Variants in SKIC3 observed in about 807,000 individuals in gnomAD.
SKIC3 encodes the protein superkiller complex protein 3.
At chr5:95,503,203 A>G in the SKIC3 span, among the ~76,000 whole-genome samples, 1 of 152,200 alleles carries the variant, frequency 6.6e-6, no homozygotes, top group African/African-American at 2.4e-5. Flanking sequence ...CTGAAGTATC[A>G]TTAGGATTAT....
At chr5:95,516,062 T>C in the SKIC3 span, among the ~76,000 whole-genome samples, 3 of 152,140 alleles carry the variant, frequency 2.0e-5, no homozygotes, top group Non-Finnish European at 4.4e-5. Flanking sequence ...TGTGTACAGA[T>C]TTAAAAAAAT....
chr5:95,552,143 C>T, the SKIC3 span, among the ~76,000 whole-genome samples: 2 of 152,140 alleles, frequency 1.3e-5, no homozygotes, highest in South Asian at 2.1e-4. Context: ...TTTTGACGTA[C>T]AATATTTTCA....
the SKIC3 span, chr5:95,516,731 C>A: frequency 6.2e-7 from 1 of 1,613,188 alleles, no homozygotes; most frequent in South Asian, 1.1e-5. Context: ...ACTGTCGAGT[C>A]TCACTGCTTT....
At chr5:95,502,838 A>G in the SKIC3 span, 1 of 1,608,148 alleles carries the variant, frequency 6.2e-7, no homozygotes, top group South Asian at 1.1e-5. Context: ...CCAAATATCT[A>G]AGTATCTGGT....
chr5:95,516,345 A>T, the SKIC3 span: 39 of 1,612,826 alleles, frequency 2.4e-5, no homozygotes, highest in Non-Finnish European at 3.1e-5. Context: ...GACAGGCAAC[A>T]TATTTACCTC....
At chr5:95,508,820 A>G in the SKIC3 span, among the ~76,000 whole-genome samples, 8 of 152,334 alleles carry the variant, frequency 5.3e-5, no homozygotes, top group Non-Finnish European at 8.8e-5. Context: ...AGTAGTCAAA[A>G]AATATTTATT....
At chr5:95,468,927 T>C in the SKIC3 span, among the ~76,000 whole-genome samples, 1 of 152,308 alleles carries the variant, frequency 6.6e-6, no homozygotes, top group South Asian at 2.1e-4. Flanking sequence ...TTAGTGAAAT[T>C]AGTCACACAT....
the SKIC3 span, among the ~76,000 whole-genome samples, chr5:95,527,450 T>C: frequency 6.6e-6 from 1 of 152,234 alleles, no homozygotes; most frequent in Non-Finnish European, 1.5e-5. Context: ...AAAAACTCAA[T>C]TTTAATTTAG....
chr5:95,491,143 TAAA>T, the SKIC3 span: 4 of 1,454,886 alleles, frequency 2.7e-6, no homozygotes, highest in South Asian at 5.2e-5. Context: ...AAATTGTATC[TAAA>T]AAAAAATTTC....
chr5:95,483,593 G>A, the SKIC3 span, among the ~76,000 whole-genome samples: 1 of 152,142 alleles, frequency 6.6e-6, no homozygotes, highest in African/African-American at 2.4e-5. Flanking sequence ...ATCTTCAAAA[G>A]TCCATTCTTC....
At chr5:95,519,360 A>G in the SKIC3 span, among the ~76,000 whole-genome samples, 1 of 152,040 alleles carries the variant, frequency 6.6e-6, no homozygotes, top group Non-Finnish European at 1.5e-5. Flanking sequence ...GGAAAAGCAG[A>G]TGGAACATTT....
the SKIC3 span, among the ~76,000 whole-genome samples, chr5:95,547,742 A>G: frequency 6.6e-6 from 1 of 152,114 alleles, no homozygotes; most frequent in Non-Finnish European, 1.5e-5. Context: ...ACTCTATACA[A>G]AGCTAGATCC....
chr5:95,498,463 C>A, the SKIC3 span: 1 of 1,614,158 alleles, frequency 6.2e-7, no homozygotes, highest in Admixed American at 1.7e-5. Flanking sequence ...CTGATAATTA[C>A]TGTCTTTGTG....
At chr5:95,508,009 A>G in the SKIC3 span, among the ~76,000 whole-genome samples, 1 of 151,788 alleles carries the variant, frequency 6.6e-6, no homozygotes, top group South Asian at 2.1e-4. Flanking sequence ...GCAGTCTGTC[A>G]TATTTATACA....
the SKIC3 span, among the ~76,000 whole-genome samples, chr5:95,505,914 G>A: frequency 1.3e-5 from 2 of 151,578 alleles, no homozygotes; most frequent in African/African-American, 4.8e-5. Context: ...ATTACTTACT[G>A]CATGTTTGCA....
chr5:95,477,651 T>A, the SKIC3 span, among the ~76,000 whole-genome samples: 3 of 152,208 alleles, frequency 2.0e-5, no homozygotes, highest in Non-Finnish European at 4.4e-5. Context: ...CTTATATATG[T>A]TTCCATATAA....
the SKIC3 span, chr5:95,497,275 A>G: frequency 2.5e-6 from 2 of 803,696 alleles, no homozygotes; most frequent in Non-Finnish European, 4.2e-6. Flanking sequence ...TGAATGACTA[A>G]TGGAAAATTT....
At chr5:95,528,739 C>A in the SKIC3 span, 2 of 444,804 alleles carry the variant, frequency 4.5e-6, no homozygotes, top group Non-Finnish European at 8.2e-6. Context: ...AGACAGAGGA[C>A]CTCCACACCC....
the SKIC3 span, among the ~76,000 whole-genome samples, chr5:95,519,687 G>A: frequency 1.4e-4 from 21 of 152,008 alleles, no homozygotes; most frequent in East Asian, 5.8e-4. Flanking sequence ...TAGTATTAAC[G>A]CCTTGTAAGT....
Sources: gnomAD v4.1 joint callset for allele counts (sites outside exome capture counted in the v4.1 genomes callset) on GRCh38, gnomAD v4.1.1 for gene constraint, MANE v1.5 for transcripts, NCBI Gene and HGNC (gene_info 2026-07-23, HGNC 2026-07-21) for gene names.